The following LRRC4C variants were observed in gnomAD, a reference collection of about 807,000 sequenced individuals.
LRRC4C encodes the protein leucine rich repeat containing 4C.
Under a neutral mutation model 33.6 loss-of-function variants are expected in LRRC4C, and 5 were observed. The ratio of observed to expected loss-of-function variants is 0.15; its 90% confidence interval spans 0.08 to 0.31. The LOEUF is 0.31. Ranked by LOEUF, LRRC4C falls within the 10% of genes least tolerant of loss-of-function variation. LRRC4C has a pLI of 1.00. For synonymous variants in LRRC4C, 329 were observed against 302.0 expected (o/e 1.09, Z -0.93); for missense variants, 560 against 796.7 (o/e 0.70, Z 3.58).
At chr11:41,141,624 T>C (rs1025669674) in intron 1 of LRRC4C, among the ~76,000 whole-genome samples, 1 of 152,080 alleles carries the variant, frequency 6.6e-6, no homozygotes, top group Admixed American at 6.6e-5. Context: ...TGATAGTAAG[T>C]GAGTCTCATG....
In LRRC4C at chr11:41,445,865, C is replaced by CGTGTGTGTGTGTGTGTGTGTGTGT. The variant is rs748457357; in HGVS notation, c.-496+13565_-496+13566insACACACACACACACACACACACAC. ...CACAGTGTGTATGAATGAGTGACTG[C>CGTGTGTGTGTGTGTGTGTGTGTGT]ATGTGTGTGTGTGTGTGTGTGTGTG... On this transcript the variant is annotated intron_variant, in intron 1 of 6. Transcript: ENST00000528697. 9.1e-4 allele frequency among the ~76,000 whole-genome samples: 124 copies of CGTGTGTGTGTGTGTGTGTGTGTGT among 135,552 alleles called. 1 individual carries two copies. Among genetic ancestry groups the CGTGTGTGTGTGTGTGTGTGTGTGT allele is most frequent in the East Asian group, 1.6e-3 (8 of 5,028 alleles). The allele number at this position is 135,552 out of a possible 152,430, so 88.9% of individuals were successfully genotyped here. A position where few individuals can be genotyped will look rare whatever the true frequency, so the allele number is the denominator to read the frequency against.
chr11:40,122,310 G>T (rs769164687), intron 6 of LRRC4C, among the ~76,000 whole-genome samples: 7 of 151,928 alleles, frequency 4.6e-5, no homozygotes, highest in Non-Finnish European at 8.8e-5. Flanking sequence ...TTGTTACATA[G>T]GTTAAACGTG....
At chr11:40,653,910 G>A (rs947422944) in intron 2 of LRRC4C, among the ~76,000 whole-genome samples, 8 of 152,168 alleles carry the variant, frequency 5.3e-5, no homozygotes, top group Non-Finnish European at 8.8e-5. Flanking sequence ...GGGACTTGGT[G>A]TCCTGCATTC....
intron 4 of LRRC4C, among the ~76,000 whole-genome samples, chr11:40,290,874 A>G (rs2136562097): frequency 6.6e-6 from 1 of 152,290 alleles, no homozygotes; most frequent in Admixed American, 6.5e-5. Context: ...TCAAGCTCTC[A>G]GGACCAATGT....
At chr11:40,966,263 A>G (rs1851358921) in intron 1 of LRRC4C, among the ~76,000 whole-genome samples, 1 of 151,978 alleles carries the variant, frequency 6.6e-6, no homozygotes, top group African/African-American at 2.4e-5. Flanking sequence ...TTGCATCTTT[A>G]CATTTTTAAA....
At chr11:40,433,400 A>G (rs542020804) in intron 3 of LRRC4C, among the ~76,000 whole-genome samples, 13 of 150,980 alleles carry the variant, frequency 8.6e-5, no homozygotes, top group African/African-American at 3.2e-4. Context: ...TTACTGATAT[A>G]ATATATGGGA....
intron 1 of LRRC4C, among the ~76,000 whole-genome samples, chr11:41,250,733 T>C (rs1158671406): frequency 3.9e-5 from 6 of 152,138 alleles, no homozygotes. Flanking sequence ...TAAAACCACC[T>C]CAAATTAATG....
intron 3 of LRRC4C, among the ~76,000 whole-genome samples, chr11:40,533,369 G>A (rs1956346134): frequency 2.0e-5 from 3 of 152,096 alleles, no homozygotes; most frequent in Admixed American, 1.3e-4. Flanking sequence ...ACTACCAGAA[G>A]CTTCCAACTA....
intron 1 of LRRC4C, among the ~76,000 whole-genome samples, chr11:40,977,131 A>G (rs991113956): frequency 3.9e-5 from 6 of 152,084 alleles, no homozygotes. Flanking sequence ...TTGCCCTCCT[A>G]TGAAGACCTA....
intron 1 of LRRC4C, among the ~76,000 whole-genome samples, chr11:41,406,021 T>C (rs974372359): frequency 6.6e-6 from 1 of 152,142 alleles, no homozygotes; most frequent in East Asian, 1.9e-4. Flanking sequence ...AATTTAAGCT[T>C]CATTTTGGCA....
chr11:41,117,503 A>T (rs924226794), intron 1 of LRRC4C, among the ~76,000 whole-genome samples: 1 of 152,186 alleles, frequency 6.6e-6, no homozygotes, highest in Non-Finnish European at 1.5e-5. Context: ...TTATTTATGT[A>T]TGTATGTAAA....
At chr11:40,685,725 CT>C (rs1944919766) in intron 2 of LRRC4C, among the ~76,000 whole-genome samples, 1 of 151,706 alleles carries the variant, frequency 6.6e-6, no homozygotes, top group Non-Finnish European at 1.5e-5. Context: ...AGAGAGAGAA[CT>C]TGATCAGTAC....
intron 3 of LRRC4C, among the ~76,000 whole-genome samples, chr11:40,390,310 C>A (rs1949286615): frequency 6.6e-6 from 1 of 152,208 alleles, no homozygotes. Context: ...TCAGCTTAAT[C>A]TCGAGTGTTA....
At chr11:40,933,056 C>T (rs1957700927) in intron 2 of LRRC4C, among the ~76,000 whole-genome samples, 1 of 152,146 alleles carries the variant, frequency 6.6e-6, no homozygotes, top group Non-Finnish European at 1.5e-5. Flanking sequence ...GGAGAGAACT[C>T]AGTGACTGAC....
At chr11:40,951,935 C>A (rs1958710276) in intron 1 of LRRC4C, among the ~76,000 whole-genome samples, 1 of 151,878 alleles carries the variant, frequency 6.6e-6, no homozygotes, top group South Asian at 2.1e-4. Flanking sequence ...ACAATTTCTT[C>A]ATGCCTCAGT....
chr11:41,243,104 G>A (rs748992967), intron 1 of LRRC4C, among the ~76,000 whole-genome samples: 6 of 152,110 alleles, frequency 3.9e-5, no homozygotes, highest in Admixed American at 6.5e-5. Flanking sequence ...TCCCTCTGAC[G>A]CTGTGCTTAG....
intron 1 of LRRC4C, among the ~76,000 whole-genome samples, chr11:41,380,009 G>A (rs1489840133): frequency 6.6e-6 from 1 of 151,890 alleles, no homozygotes; most frequent in Non-Finnish European, 1.5e-5. Flanking sequence ...ATTGTCCTCA[G>A]TGGTAAGATA....
intron 2 of LRRC4C, among the ~76,000 whole-genome samples, chr11:40,932,747 T>C (rs541766675): frequency 1.3e-5 from 2 of 152,112 alleles, no homozygotes; most frequent in Admixed American, 1.3e-4. Context: ...GGCTAATTCA[T>C]TTGAAACTAA....
chr11:40,885,506 T>G (rs181620222), intron 2 of LRRC4C, among the ~76,000 whole-genome samples: 1 of 152,184 alleles, frequency 6.6e-6, no homozygotes, highest in Admixed American at 6.6e-5. Context: ...GTTCATCCAT[T>G]TTCATCCTCT....
Sources: allele counts gnomAD v4.1 joint callset (sites outside exome capture counted in the v4.1 genomes callset), GRCh38; gene constraint gnomAD v4.1.1; transcripts MANE v1.5; gene names NCBI Gene and HGNC (gene_info 2026-07-23, HGNC 2026-07-21).